IGF2R: variants seen among roughly 807,000 people sequenced by gnomAD.
The protein encoded by IGF2R is cation-independent mannose-6-phosphate receptor.
In IGF2R, 91 loss-of-function variants were observed where a neutral mutation model predicts 270.6. The observed-to-expected ratio is 0.34, with a 90% CI of 0.28 to 0.40. The LOEUF (loss-of-function observed/expected upper bound fraction) is 0.40, where lower values mean the gene tolerates loss of function less well. IGF2R is among the 10% of genes least tolerant of loss of function. The pLI is 1.00. For missense variants in IGF2R, 2,805 were observed against 3,188.3 expected (o/e 0.88, Z 2.90); for synonymous variants, 1,316 against 1,258.9 (o/e 1.05, Z -0.96).
Position 160,102,645 on chromosome 6 carries a change from C to G in IGF2R, c.6969C>G (p.Ala2323=), listed in dbSNP as rs1405005946. Residue 2323 remains alanine (A), a synonymous_variant, in exon 46 of 48, where the codon GCC becomes GCG. Coordinates refer to ENST00000356956, the MANE Select transcript of IGF2R (RefSeq NM_000876.4). This position sits in a 1 kb window ranked among gnomAD's most constrained non-coding sequence, Gnocchi z 4.5. ...TGGCGCTCACCTGCTGCCTGCTGGC[C>G]CTGTTGCTCTACAAGAAGGAGAGGA... ...LLVALTCCLL[A]LLLYKKERRE... 1.2e-6 allele frequency: 2 copies of G among 1,609,822 alleles called. No individual in the cohort carries two copies. Among genetic ancestry groups the G allele is most frequent in the Non-Finnish European group, 1.7e-6 (2 of 1,177,820 alleles).
rs1256092999 is a variant in IGF2R, at chr6:160,089,208, A to G, written c.6422A>G (p.Asn2141Ser). 2 of 1,613,232 alleles carry G rather than the reference A, an allele frequency of 1.2e-6. No individual in the cohort carries two copies. Among genetic ancestry groups the G allele is most frequent in the East Asian group, 2.2e-5 (1 of 44,858 alleles). Residue 2141 changes from asparagine to serine, a missense_variant, in exon 43 of 48, where the codon AAC (asparagine) becomes AGC (serine). Transcript: ENST00000356956. The stretch of plus-strand genomic sequence containing the variant: ...CAGATGGTGAATGGGACCATCACCA[A>G]CCCTATAAATGGCAAGAGCTTCAGC... ...EVQMVNGTIT[N>S]PINGKSFSLG... is the part of the protein sequence containing the mutation.
chr6:160,061,926 T>C lies in IGF2R; in HGVS notation c.3580T>C (p.Ser1194Pro), dbSNP rs544201211. The change falls in exon 25 of 48, where the codon TCG (serine) becomes CCG (proline). Residue 1194 changes from serine (S) to proline (P), a missense_variant and splice_region_variant. Physicochemically the swap from Ser to Pro is moderately conservative, Grantham distance 74. Around this residue, in one of 2 missense-constraint regions of IGF2R, gnomAD observed 1,851 missense variants for 2,207.2 expected, o/e 0.84. Transcript: ENST00000356956. ...TRITFECAQISGSPAFQLQDG... is the reference protein window; with the variant it reads ...TRITFECAQIPGSPAFQLQDG... Reference sequence around the variant, plus strand: ...GATCACGTTTGAGTGTGCTCAGATATCGGTGTGTGTTCAGACCAGCAATGA... The same window carrying C: ...GATCACGTTTGAGTGTGCTCAGATACCGGTGTGTGTTCAGACCAGCAATGA... 1.9e-6 allele frequency: 3 copies of C among 1,613,950 alleles called. No individual in the cohort carries two copies. Among genetic ancestry groups the C allele is most frequent in the South Asian group, 1.1e-5 (1 of 91,086 alleles).
intron 2 of IGF2R, among the ~76,000 whole-genome samples, chr6:159,995,993 C>T (rs1254975127): frequency 6.8e-6 from 1 of 146,406 alleles, no homozygotes; most frequent in African/African-American, 2.5e-5. Context: ...TTTACTTTGG[C>T]AGGATTTTTT....
chr6:159,972,441 T>G (rs1783624426), intron 1 of IGF2R, among the ~76,000 whole-genome samples: 1 of 152,250 alleles, frequency 6.6e-6, no homozygotes, highest in Non-Finnish European at 1.5e-5. Flanking sequence ...GCAAAGGTTT[T>G]GGAGCACCCA....
intron 11 of IGF2R, among the ~76,000 whole-genome samples, chr6:160,042,617 C>T (rs922046827): frequency 3.3e-5 from 5 of 152,188 alleles, no homozygotes; most frequent in African/African-American, 4.8e-5. Context: ...GTGAGTTCAG[C>T]GGCCACCTGT....
At position 160,050,725 on chromosome 6, in the gene IGF2R, A is replaced by G; in HGVS notation, c.2694+73A>G. On this transcript the variant is annotated intron_variant, in intron 19 of 47. Transcript: ENST00000356956. The surrounding 1 kb of genome is among the most constrained non-coding windows in gnomAD (Gnocchi z 4.0). Reference sequence around the variant, plus strand: ...CTGAGCGTTGCCTTATGTGTCTCTTAACAGCAGCAGTCTTGGGGTGGGTGG... The same window carrying G: ...CTGAGCGTTGCCTTATGTGTCTCTTGACAGCAGCAGTCTTGGGGTGGGTGG... 2 of 1,372,536 alleles carry G rather than the reference A, an allele frequency of 1.5e-6. No individual in the cohort carries two copies. The highest frequency in any genetic ancestry group is 2.0e-6 in the Non-Finnish European group (2 of 1,007,282). 85.0% of individuals were successfully genotyped at this position (1,372,536 alleles called of 1,614,324 possible). A position where few individuals can be genotyped will look rare whatever the true frequency, so the allele number is the denominator to read the frequency against.
At chr6:160,088,944 C>T (rs932525981) in intron 42 of IGF2R, among the ~76,000 whole-genome samples, 163 bp from the exon 43 acceptor site, 3 of 152,202 alleles carry the variant, frequency 2.0e-5, no homozygotes, top group East Asian at 1.9e-4. Context: ...CCTAGGCCTG[C>T]GCAGCCCGGG....
rs1562342255 is a variant in IGF2R, at chr6:160,010,672, A to G, written c.415-15A>G. 2.1e-6 allele frequency: 3 copies of G among 1,415,670 alleles called. No homozygotes were observed. The highest frequency in any genetic ancestry group is 1.7e-5 in the Admixed American group (1 of 58,644). The allele number at this position is 1,415,670 out of a possible 1,614,324, so 87.7% of individuals were successfully genotyped here. ...GTGGTATGGTAACATTATAATTACT[A>G]TTTTTTTTTAATAGGGAACTCCTGA... On this transcript the variant is annotated splice_polypyrimidine_tract_variant and intron_variant, in intron 3 of 47. Transcript: ENST00000356956.
At position 160,045,836 on chromosome 6, in the gene IGF2R, G is replaced by C. The variant is rs1380191528; in HGVS notation, c.1857G>C (p.Leu619=). ...GGCACACAGCTGCGGCCTGTGTGCT[G>C]TCTAAGACAGAAGGGGAGAACTGCA... is the stretch of plus-strand genomic sequence containing the variant. ...FEWHTAAACV[L]SKTEGENCTV... Residue 619 remains leucine (L), a synonymous_variant, in exon 14 of 48, where the codon CTG becomes CTC. Transcript: ENST00000356956. The C allele has an allele frequency of 6.2e-7, 1 of 1,608,690 alleles. No individual in the cohort carries two copies.
intron 28 of IGF2R, 131 bp from the exon 29 acceptor site, chr6:160,064,673 T>A: frequency 2.6e-6 from 3 of 1,137,054 alleles, no homozygotes; most frequent in Non-Finnish European, 3.9e-6. Context: ...GAAAATATGT[T>A]GAAACTTTCA....
rs932982209 is a variant in IGF2R, at chr6:160,109,607, G to A, written c.*4523G>A. ...CCAGCTAAGCCTTAGTGCTGTTTCG[G>A]TGTTGACAGCTGTCACAATGATGCC... On this transcript the variant is annotated 3_prime_UTR_variant, in exon 48 of 48. Coordinates refer to ENST00000356956, the MANE Select transcript of IGF2R (RefSeq NM_000876.4). The A allele has an allele frequency of 6.6e-6, 1 of 152,212 alleles. No homozygotes were observed. The highest frequency in any genetic ancestry group is 2.4e-5 in the African/African-American group (1 of 41,438). 9.4% of individuals were successfully genotyped at this position (152,212 alleles called of 1,614,324 possible). A position where few individuals can be genotyped will look rare whatever the true frequency, so the allele number is the denominator to read the frequency against.
At chr6:159,978,727 G>A (rs1464987716) in intron 1 of IGF2R, among the ~76,000 whole-genome samples, 3 of 152,142 alleles carry the variant, frequency 2.0e-5, no homozygotes, top group South Asian at 4.2e-4. Flanking sequence ...TTTTGTCTCC[G>A]TGTTAGCCAG....
rs35974914 is a variant in IGF2R at position 159,995,895 on chromosome 6, CTTT to C, written c.289+4590_289+4592del. On this transcript the variant is annotated intron_variant, in intron 2 of 47. Transcript: ENST00000356956. ...GAGTCTTTGGGGATGTTGCAGCGCT[CTTT>C]TTTTTTTTTTTTTTTTTAATACTTC... Among the ~76,000 whole-genome samples, 52 of 98,764 alleles carry C rather than the reference CTTT, an allele frequency of 5.3e-4. No homozygotes were observed. The South Asian group carries it at 7.2e-3, about 14-fold the overall frequency. The allele number at this position is 98,764 out of a possible 152,430, so 64.8% of individuals were successfully genotyped here.
At chr6:160,087,856 A>G (rs1224277696) in intron 41 of IGF2R, among the ~76,000 whole-genome samples, 177 bp from the exon 42 acceptor site, 1 of 152,130 alleles carries the variant, frequency 6.6e-6, no homozygotes, top group Non-Finnish European at 1.5e-5. Flanking sequence ...TTGTATTTTT[A>G]GTAGAGACGG....
intron 2 of IGF2R, among the ~76,000 whole-genome samples, chr6:159,994,612 T>A (rs7752368): frequency 0.023 from 3,505 of 152,246 alleles, 111 homozygotes; most frequent in East Asian, 0.094. Context: ...GCTGCTTTGC[T>A]GTATCCCAGA....
intron 1 of IGF2R, among the ~76,000 whole-genome samples, chr6:159,980,191 G>GAA (rs1240752513): frequency 2.5e-5 from 1 of 40,536 alleles, no homozygotes. Flanking sequence ...AAAAAAGAAA[G>GAA]AAAGAAAGAA....
At chr6:160,047,391 G>A (rs913520124) in intron 16 of IGF2R, 55 bp downstream of exon 16, 2 of 1,423,022 alleles carry the variant, frequency 1.4e-6, no homozygotes, top group South Asian at 1.4e-5. Context: ...CCTGTGGTGG[G>A]CCTTTCATTT....
At chr6:159,983,172 G>A (rs1783831654) in intron 1 of IGF2R, among the ~76,000 whole-genome samples, 1 of 152,170 alleles carries the variant, frequency 6.6e-6, no homozygotes, top group Admixed American at 6.5e-5. Context: ...GTGTCGGCCT[G>A]GGGCTACATT....
intron 1 of IGF2R, among the ~76,000 whole-genome samples, chr6:159,970,250 T>C (rs983273987): frequency 1.3e-5 from 2 of 152,204 alleles, no homozygotes; most frequent in African/African-American, 4.8e-5. Flanking sequence ...CTGGACTGTT[T>C]AGGATGATGG....
Sources: allele counts gnomAD v4.1 joint callset (sites outside exome capture counted in the v4.1 genomes callset), GRCh38; gene constraint gnomAD v4.1.1; regional missense constraint gnomAD v4.1.1; non-coding constraint Gnocchi (gnomAD v3.1); transcripts MANE v1.5; gene names NCBI Gene and HGNC (gene_info 2026-07-23, HGNC 2026-07-21).